Variants in GNA14 observed in about 807,000 individuals in gnomAD.
GNA14 encodes the protein guanine nucleotide-binding protein subunit alpha-14.
In GNA14, 50 loss-of-function variants were observed where a neutral mutation model predicts 42.0. That is an observed-to-expected ratio of 1.19 (90% CI 0.95 to 1.51). The LOEUF is 1.51. Among genes scored for constraint, GNA14 ranks in the 40% most tolerant of loss-of-function variants. GNA14 has a pLI of 0.00. For synonymous variants in GNA14, 173 were observed against 163.1 expected (o/e 1.06, Z -0.46); for missense variants, 473 against 446.2 (o/e 1.06, Z -0.54).
intron 1 of GNA14, among the ~76,000 whole-genome samples, chr9:77,646,661 A>C (rs1824356842): frequency 6.6e-6 from 1 of 152,238 alleles, no homozygotes; most frequent in South Asian, 2.1e-4. Flanking sequence ...TCCTGTTCAA[A>C]AGGGGTGAAA....
rs142987180 is a variant in GNA14 at position 77,613,524 on chromosome 9, G to A, written c.124+34146C>T. On this transcript the variant is annotated intron_variant, in intron 1 of 6. Coordinates refer to ENST00000341700, the MANE Select transcript of GNA14 (RefSeq NM_004297.4). ...TGTATCCTTAAAATTTGCTAACAGC[G>A]TAGATCTTAAGTGTGTTATCTCTAA... 6.4e-3 allele frequency among the ~76,000 whole-genome samples: 980 copies of A among 152,300 alleles called. 11 individuals carry two copies. Among genetic ancestry groups the A allele is most frequent in the South Asian group, 0.025 (123 of 4,824 alleles).
chr9:77,572,966 A>T (rs1823081713), intron 1 of GNA14, among the ~76,000 whole-genome samples: 1 of 152,238 alleles, frequency 6.6e-6, no homozygotes, highest in Non-Finnish European at 1.5e-5. Flanking sequence ...ATGACTAATA[A>T]GCCAACAATA....
intron 2 of GNA14, among the ~76,000 whole-genome samples, chr9:77,483,530 G>C (rs1308923618): frequency 6.6e-6 from 1 of 152,178 alleles, no homozygotes; most frequent in Non-Finnish European, 1.5e-5. Context: ...GGATCCACTT[G>C]AGGAGGCAGT....
chr9:77,503,703 G>A (rs1183864548), intron 2 of GNA14, among the ~76,000 whole-genome samples: 1 of 147,922 alleles, frequency 6.8e-6, no homozygotes, highest in African/African-American at 2.5e-5. Context: ...TGTGGCCCAG[G>A]CTGGAGTGCA....
chr9:77,555,491 G>A (rs1406175565), intron 1 of GNA14, among the ~76,000 whole-genome samples: 4 of 152,282 alleles, frequency 2.6e-5, no homozygotes, highest in South Asian at 2.1e-4. Context: ...GTGACAGAGT[G>A]AGACCCAATC....
At chr9:77,424,884 A>G (rs565679001) in intron 6 of GNA14, among the ~76,000 whole-genome samples, 1 of 152,270 alleles carries the variant, frequency 6.6e-6, no homozygotes, top group Non-Finnish European at 1.5e-5. Flanking sequence ...GGTTAGTAAA[A>G]GGGGAAAGAA....
intron 1 of GNA14, among the ~76,000 whole-genome samples, chr9:77,607,928 C>T (rs953782215): frequency 6.6e-6 from 1 of 152,168 alleles, no homozygotes; most frequent in Non-Finnish European, 1.5e-5. Flanking sequence ...GCCCCATCTC[C>T]TAACATTACA....
At position 77,636,060 on chromosome 9, in the gene GNA14, T is replaced by C. The variant is rs530823630; in HGVS notation, c.124+11610A>G. ...CATTTTGAGTGGTGTTGATGAAGAC[T>C]ACTAATGGCTTACCACTAAATGGAT... On this transcript the variant is annotated intron_variant, in intron 1 of 6. Coordinates refer to ENST00000341700, the MANE Select transcript of GNA14 (RefSeq NM_004297.4). Among the ~76,000 whole-genome samples the C allele has an allele frequency of 2.0e-5, 3 of 152,368 alleles. No homozygotes were observed. The East Asian group carries it at 5.8e-4, about 29-fold the overall frequency.
intron 1 of GNA14, among the ~76,000 whole-genome samples, chr9:77,620,187 C>A (rs1385268348): frequency 3.3e-5 from 5 of 152,118 alleles, no homozygotes; most frequent in Admixed American, 6.5e-5. Flanking sequence ...AACACGGAAA[C>A]TCAGGGCTGG....
chr9:77,592,987 C>T (rs1292534436), intron 1 of GNA14, among the ~76,000 whole-genome samples: 1 of 151,722 alleles, frequency 6.6e-6, no homozygotes, highest in African/African-American at 2.4e-5. Flanking sequence ...TGGGCTGTTT[C>T]AATGATCAAT....
chr9:77,425,727 A>G lies in GNA14; in HGVS notation c.724-12T>C. On this transcript the variant is annotated splice_polypyrimidine_tract_variant and intron_variant, in intron 5 of 6. Transcript: ENST00000341700. ...TCTTCCATGCGATTCTAAGTGAAAA[A>G]CAAGGGACTTGGGATGAAGTAGAAA... 6.3e-7 allele frequency: 1 copy of G among 1,581,012 alleles called. No homozygotes were observed. The highest frequency in any genetic ancestry group is 8.6e-7 in the Non-Finnish European group (1 of 1,164,524).
chr9:77,461,054 G>T (rs188366361), intron 2 of GNA14, among the ~76,000 whole-genome samples: 18 of 152,354 alleles, frequency 1.2e-4, no homozygotes, highest in Admixed American at 1.1e-3. Flanking sequence ...GCTGTGATAA[G>T]TGGCAGATAT....
chr9:77,465,415 C>T (rs908137506), intron 2 of GNA14, among the ~76,000 whole-genome samples: 3 of 152,194 alleles, frequency 2.0e-5, no homozygotes, highest in Admixed American at 6.5e-5. Flanking sequence ...TCTCCTCCTT[C>T]GTTGAGGCCA....
intron 2 of GNA14, among the ~76,000 whole-genome samples, chr9:77,475,941 C>G (rs1416466096): frequency 6.6e-6 from 1 of 152,166 alleles, no homozygotes; most frequent in Admixed American, 6.5e-5. Flanking sequence ...CTAAAATTGT[C>G]ACCTCAGTAG....
intron 5 of GNA14, among the ~76,000 whole-genome samples, chr9:77,428,555 T>C (rs1587753994): frequency 6.6e-6 from 1 of 152,114 alleles, no homozygotes. Context: ...ATCTCTGGGG[T>C]TGGACTCAGG....
chr9:77,439,120 G>A (rs1835685969), intron 2 of GNA14, among the ~76,000 whole-genome samples: 1 of 152,148 alleles, frequency 6.6e-6, no homozygotes, highest in African/African-American at 2.4e-5. Context: ...GAATGAGAAT[G>A]GCCCAGCAAG....
At position 77,534,611 on chromosome 9, in the gene GNA14, T is replaced by C. The variant is rs757181727; in HGVS notation, c.125-5358A>G. 9.9e-5 allele frequency among the ~76,000 whole-genome samples: 15 copies of C among 152,268 alleles called. No homozygotes were observed. In the South Asian group the frequency reaches 2.5e-3, roughly 25 times the overall value. The stretch of plus-strand genomic sequence containing the variant: ...TGTAGCTCAGTTTTGCATGAGACAA[T>C]GTAAATAGAACAAAAGAAGTCAGAA... On this transcript the variant is annotated intron_variant, in intron 1 of 6. Coordinates refer to ENST00000341700, the MANE Select transcript of GNA14 (RefSeq NM_004297.4).
At chr9:77,431,732 C>T (rs758545005) in intron 3 of GNA14, 52 of 303,046 alleles carry the variant, frequency 1.7e-4, no homozygotes, top group Non-Finnish European at 2.9e-4. Context: ...TCTATTTGAC[C>T]AGCGAGGGAG....
intron 2 of GNA14, among the ~76,000 whole-genome samples, chr9:77,505,790 C>A (rs1837059514): frequency 6.6e-6 from 1 of 152,158 alleles, no homozygotes; most frequent in Non-Finnish European, 1.5e-5. Flanking sequence ...GTATGTGACT[C>A]TATATAAATG....
Sources: allele counts gnomAD v4.1 joint callset (sites outside exome capture counted in the v4.1 genomes callset), GRCh38; gene constraint gnomAD v4.1.1; transcripts MANE v1.5; gene names NCBI Gene and HGNC (gene_info 2026-07-23, HGNC 2026-07-21).